ATF7IP: variants seen among roughly 807,000 people sequenced by gnomAD.
The protein encoded by ATF7IP is activating transcription factor 7 interacting protein.
In ATF7IP, 23 loss-of-function variants were observed where a neutral mutation model predicts 106.4. That is an observed-to-expected ratio of 0.22 (90% CI 0.16 to 0.31). The LOEUF (loss-of-function observed/expected upper bound fraction) is 0.31, where lower values mean the gene tolerates loss of function less well. Ranked by LOEUF, ATF7IP falls within the 10% of genes least tolerant of loss-of-function variation. ATF7IP has a pLI of 1.00. For missense variants in ATF7IP, 1,334 were observed against 1,524.3 expected, an observed-to-expected ratio of 0.88 and a Z score of 2.08; for synonymous variants, 542 against 539.0, an observed-to-expected ratio of 1.01 and a Z score of -0.08.
chr12:14,367,957 G>T (rs1396920092), intron 1 of ATF7IP, among the ~76,000 whole-genome samples: 2 of 151,960 alleles, frequency 1.3e-5, no homozygotes, highest in Admixed American at 6.6e-5. Flanking sequence ...GTTACTCCAG[G>T]AATGAATACC....
chr12:14,487,295 C>T (rs768096208), intron 13 of ATF7IP, among the ~76,000 whole-genome samples: 9 of 150,284 alleles, frequency 6.0e-5, no homozygotes, highest in Non-Finnish European at 1.0e-4. Context: ...AATTAGAGAA[C>T]TCAAAACAGT....
rs563859251 is a variant in ATF7IP at position 14,374,272 on chromosome 12, A to ATTT, written c.-8+8464_-8+8466dup. ...GCCACCAAACCCAGCTAATTTTGTA[A>ATTT]TTTTTTTTTTTTTTTTTTTTTGTGG... On this transcript the variant is annotated intron_variant, in intron 1 of 14. Coordinates refer to ENST00000261168, the MANE Select transcript of ATF7IP (RefSeq NM_018179.5). Among the ~76,000 whole-genome samples the ATTT allele has an allele frequency of 3.2e-3, 339 of 105,384 alleles. 8 individuals carry two copies. Among genetic ancestry groups the ATTT allele is most frequent in the Middle Eastern group, 6.9e-3 (1 of 144 alleles). The allele number at this position is 105,384 out of a possible 152,430, so 69.1% of individuals were successfully genotyped here.
chr12:14,397,496 G>GC (rs1191724942), intron 1 of ATF7IP, among the ~76,000 whole-genome samples: 4 of 152,094 alleles, frequency 2.6e-5, no homozygotes, highest in Admixed American at 6.5e-5. Flanking sequence ...AGAAGGGAGA[G>GC]TCTCTATTTT....
intron 13 of ATF7IP, 89 bp downstream of exon 13, chr12:14,481,274 G>A: frequency 7.1e-7 from 1 of 1,401,280 alleles, no homozygotes; most frequent in Non-Finnish European, 9.7e-7. Flanking sequence ...GTTAAATTTT[G>A]CAAAAATTTC....
At chr12:14,386,980 T>A (rs1414363059) in intron 1 of ATF7IP, among the ~76,000 whole-genome samples, 2 of 151,964 alleles carry the variant, frequency 1.3e-5, no homozygotes, top group Non-Finnish European at 2.9e-5. Flanking sequence ...ACATTTTTTT[T>A]AAACAAAATA....
chr12:14,486,262 G>A (rs958369198), intron 13 of ATF7IP, among the ~76,000 whole-genome samples: 1 of 152,218 alleles, frequency 6.6e-6, no homozygotes, highest in Non-Finnish European at 1.5e-5. Context: ...CCACAATGAT[G>A]CTTTGGGTCT....
intron 1 of ATF7IP, among the ~76,000 whole-genome samples, chr12:14,406,433 T>G (rs968027374): frequency 2.0e-5 from 3 of 152,032 alleles, no homozygotes; most frequent in African/African-American, 7.2e-5. Context: ...GATATGTTTG[T>G]GATATACTCT....
intron 1 of ATF7IP, chr12:14,369,103 C>A (rs1230001999): frequency 6.9e-6 from 1 of 145,286 alleles, no homozygotes; most frequent in East Asian, 2.0e-4. Context: ...GGATATCACA[C>A]CCCGCTAATT....
chr12:14,367,057 C>T (rs976384914), intron 1 of ATF7IP, among the ~76,000 whole-genome samples: 1 of 152,108 alleles, frequency 6.6e-6, no homozygotes, highest in Non-Finnish European at 1.5e-5. Flanking sequence ...TGATATGATT[C>T]TCCCGTTGTG....
chr12:14,437,806 C>T lies in ATF7IP; in HGVS notation c.1792-324C>T, dbSNP rs571793721. ...CGGTGGCTCACGCCTGTAATCCCAG[C>T]ACTTTGGGAGGCCGAGGCGGGCGGA... On this transcript the variant is annotated intron_variant, in intron 4 of 14. Transcript: ENST00000261168. 2.6e-5 allele frequency among the ~76,000 whole-genome samples: 4 copies of T among 152,254 alleles called. No individual in the cohort carries two copies. In the South Asian group the frequency reaches 8.3e-4, roughly 32 times the overall value.
intron 1 of ATF7IP, among the ~76,000 whole-genome samples, chr12:14,375,455 T>C (rs1055458237): frequency 2.0e-5 from 3 of 152,162 alleles, no homozygotes; most frequent in African/African-American, 7.2e-5. Context: ...TGGAATGATA[T>C]AATTATTTTG....
chr12:14,461,179 T>G (rs772941480), intron 9 of ATF7IP, 46 bp downstream of exon 9: 45 of 1,560,280 alleles, frequency 2.9e-5, no homozygotes, highest in Non-Finnish European at 3.0e-5. Context: ...AGCATCTTAA[T>G]AGCCTTGTAA....
chr12:14,463,532 G>A (rs1239507173), intron 9 of ATF7IP, among the ~76,000 whole-genome samples: 1 of 152,156 alleles, frequency 6.6e-6, no homozygotes, highest in African/African-American at 2.4e-5. Context: ...TAAATGTGAT[G>A]AGTGTTAGAA....
At chr12:14,483,928 T>C (rs1834935836) in intron 13 of ATF7IP, among the ~76,000 whole-genome samples, 1 of 152,160 alleles carries the variant, frequency 6.6e-6, no homozygotes, top group Non-Finnish European at 1.5e-5. Flanking sequence ...TGGAATGCCA[T>C]GACGGTGGAT....
rs1035816663 is a variant in ATF7IP at position 14,499,895 on chromosome 12, A to G, written c.*1822A>G. 2.0e-5 allele frequency: 3 copies of G among 152,220 alleles called. No homozygotes were observed. Among genetic ancestry groups the G allele is most frequent in the Non-Finnish European group, 4.4e-5 (3 of 68,046 alleles). The allele number at this position is 152,220 out of a possible 1,614,324, so 9.4% of individuals were successfully genotyped here. On this transcript the variant is annotated 3_prime_UTR_variant, in exon 15 of 15. Coordinates refer to ENST00000261168, the MANE Select transcript of ATF7IP (RefSeq NM_018179.5). ...AACAATTAGATATAACCTCCTGTGTATCTCTCTGTTCCTCTTCAAAGTTAT... is the reference window on the plus strand; with the variant it reads ...AACAATTAGATATAACCTCCTGTGTGTCTCTCTGTTCCTCTTCAAAGTTAT...
intron 10 of ATF7IP, 114 bp downstream of exon 10, chr12:14,466,704 A>G (rs1044850371): frequency 5.0e-6 from 4 of 796,646 alleles, no homozygotes; most frequent in Non-Finnish European, 4.0e-6. Context: ...TTTTATAACT[A>G]TCCAAACATT....
intron 5 of ATF7IP, among the ~76,000 whole-genome samples, chr12:14,440,411 A>G (rs1291498400): frequency 6.6e-6 from 1 of 152,156 alleles, no homozygotes; most frequent in African/African-American, 2.4e-5. Context: ...CATTTTTAAA[A>G]TTTTTAAATT....
chr12:14,450,702 C>T (rs1220568856), intron 6 of ATF7IP, among the ~76,000 whole-genome samples: 2 of 152,152 alleles, frequency 1.3e-5, no homozygotes, highest in South Asian at 4.1e-4. Flanking sequence ...TGGAAGTACT[C>T]CTCTTGGAAT....
At chr12:14,434,472 C>G (rs1330097132) in intron 3 of ATF7IP, 49 bp downstream of exon 3, 1 of 1,113,376 alleles carries the variant, frequency 9.0e-7, no homozygotes, top group East Asian at 2.4e-5. Flanking sequence ...TAATAATTCA[C>G]TGTTTCTATA....
Sources: gnomAD v4.1 joint callset for allele counts (sites outside exome capture counted in the v4.1 genomes callset) on GRCh38, gnomAD v4.1.1 for gene constraint, MANE v1.5 for transcripts, NCBI Gene and HGNC (gene_info 2026-07-23, HGNC 2026-07-21) for gene names.